OR5B12: variants seen among roughly 807,000 people sequenced by gnomAD.
OR5B12 encodes the protein olfactory receptor 5B12.
For synonymous variants in OR5B12, 154 were observed against 138.0 expected, an observed-to-expected ratio of 1.12 and a Z score of -0.81; for missense variants, 418 against 377.0, an observed-to-expected ratio of 1.11 and a Z score of -0.90.
In OR5B12 at chr11:58,439,889, T is replaced by A; in HGVS notation, c.263A>T (p.Lys88Ile). ...GGCACAAGCATTATATAATATGAAT[T>A]TGTCTCCTGTGAGAAACCCCACCAT... ...KVMVGFLTGD[K>I]FILYNACATQ... The change falls in exon 2 of 2, where the codon AAA (lysine) becomes ATA (isoleucine). Residue 88 changes from lysine (K) to isoleucine (I), a missense_variant. Transcript: ENST00000641921. 4.3e-6 allele frequency: 7 copies of A among 1,614,082 alleles called. No homozygotes were observed. The highest frequency in any genetic ancestry group is 5.1e-6 in the Non-Finnish European group (6 of 1,180,014).
At chr11:58,441,006 A>T (rs1855494042) in intron 1 of OR5B12, among the ~76,000 whole-genome samples, 1 of 152,202 alleles carries the variant, frequency 6.6e-6, no homozygotes, top group Non-Finnish European at 1.5e-5. Flanking sequence ...AGTTCAGAAT[A>T]TTCTTATTCT....
In OR5B12 at chr11:58,439,296, G is replaced by A. The variant is rs764734773; in HGVS notation, c.856C>T (p.Leu286=). The A allele has an allele frequency of 2.6e-5, 42 of 1,613,854 alleles. No homozygotes were observed. In the Admixed American group the frequency reaches 4.5e-4, roughly 17 times the overall value. The change falls in exon 2 of 2, where the codon CTG becomes TTG. Residue 286 remains leucine, a synonymous_variant. Coordinates refer to ENST00000641921, the MANE Select transcript of OR5B12 (RefSeq NM_001004733.3). The stretch of plus-strand genomic sequence containing the variant: ...TCTTTGTTCCTCAGGCTGTAGACCA[G>A]TGGATTCAACATGGGAATGACTATG... ...YAIVIPMLNP[L]VYSLRNKEVK... is the part of the protein sequence containing the mutation.
At position 58,439,175 on chromosome 11, in the gene OR5B12, G is replaced by GA; in HGVS notation, c.*31dup. 2 of 1,285,752 alleles carry GA rather than the reference G, an allele frequency of 1.6e-6. No homozygotes were observed. The highest frequency in any genetic ancestry group is 1.1e-6 in the Non-Finnish European group (1 of 930,298). The allele number at this position is 1,285,752 out of a possible 1,614,324, so 79.6% of individuals were successfully genotyped here. On this transcript the variant is annotated 3_prime_UTR_variant, in exon 2 of 2. Transcript: ENST00000641921. ...GGTAGACAAAGATTAATATGAGGTG[G>GA]AAAAAATTATCTTATTGTGAATTCT...
chr11:58,440,781 AT>A lies in OR5B12; in HGVS notation c.-19-612del, dbSNP rs1231639327. On this transcript the variant is annotated intron_variant, in intron 1 of 1. Coordinates refer to ENST00000641921, the MANE Select transcript of OR5B12 (RefSeq NM_001004733.3). The stretch of plus-strand genomic sequence containing the variant: ...ATAACTACTTCCAACCCTTAAAAAA[AT>A]CTTCAAAAAGTTAAAAAGGAACATG... Among the ~76,000 whole-genome samples, 6 of 152,204 alleles carry A rather than the reference AT, an allele frequency of 3.9e-5. No individual in the cohort carries two copies. In the South Asian group the frequency reaches 8.3e-4, roughly 21 times the overall value.
chr11:58,440,781 ATCTTCAAAAAG>A (rs1029560649), intron 1 of OR5B12, among the ~76,000 whole-genome samples: 13 of 152,204 alleles, frequency 8.5e-5, no homozygotes, highest in Non-Finnish European at 1.3e-4. Context: ...CCTTAAAAAA[ATCTTCAAAAAG>A]TTAAAAAGGA....
At position 58,439,755 on chromosome 11, in the gene OR5B12, T is replaced by C. The variant is rs751188290; in HGVS notation, c.397A>G (p.Thr133Ala). 20 of 1,614,036 alleles carry C rather than the reference T, an allele frequency of 1.2e-5. No homozygotes were observed. The East Asian group carries it at 4.2e-4, about 34-fold the overall frequency. Residue 133 changes from threonine to alanine, a missense_variant, in exon 2 of 2, where the codon ACC becomes GCC. Thr to Ala is a moderately conservative substitution (Grantham distance 58, BLOSUM62 0). Transcript: ENST00000641921. ...CAAGCACATACATTTGTTGTCATGG[T>C]GGTGGTGTAATGCAGGGGTTTACAC... The part of the protein sequence containing the change: ...ALCKPLHYTT[T>A]MTTNVCACLA...
At position 58,439,699 on chromosome 11, in the gene OR5B12, G is replaced by A. The variant is rs1201627555; in HGVS notation, c.453C>T (p.Phe151=). 4 of 1,614,076 alleles carry A rather than the reference G, an allele frequency of 2.5e-6. No homozygotes were observed. Among genetic ancestry groups the A allele is most frequent in the Non-Finnish European group, 3.4e-6 (4 of 1,179,964 alleles). ...TCCCAGTATGAATGGATGCATTCAGGAAACCACAGATGTAGGAGCCTATGG... is the reference window on the plus strand; with the variant it reads ...TCCCAGTATGAATGGATGCATTCAGAAAACCACAGATGTAGGAGCCTATGG... The part of the protein sequence containing the change: ...CLAIGSYICG[F]LNASIHTGNT... The change falls in exon 2 of 2, where the codon TTC becomes TTT. Residue 151 remains phenylalanine, a synonymous_variant. Coordinates refer to ENST00000641921, the MANE Select transcript of OR5B12 (RefSeq NM_001004733.3).
intron 1 of OR5B12, among the ~76,000 whole-genome samples, chr11:58,441,774 G>T (rs933514896): frequency 6.6e-6 from 1 of 151,866 alleles, no homozygotes; most frequent in Non-Finnish European, 1.5e-5. Context: ...TTTAAATTTG[G>T]GTTTCATCCC....
rs1590716995 is a variant in OR5B12 at position 58,439,428 on chromosome 11, G to A, written c.724C>T (p.His242Tyr). 1 of 1,614,036 alleles carries A rather than the reference G, an allele frequency of 6.2e-7. No homozygotes were observed. Among genetic ancestry groups the A allele is most frequent in the Non-Finnish European group, 8.5e-7 (1 of 1,180,000 alleles). The change falls in exon 2 of 2, where the codon CAC becomes TAC. Residue 242 changes from histidine (H) to tyrosine (Y), a missense_variant. His to Tyr is a moderately conservative substitution (Grantham distance 83, BLOSUM62 2). Coordinates refer to ENST00000641921, the MANE Select transcript of OR5B12 (RefSeq NM_001004733.3). The part of the protein sequence containing the change: ...RQKAFSTCAS[H>Y]LTAVSIFYGT... ...TAAAAGATGGAAACTGCAGTAAGGT[G>A]GGAAGCACAAGTAGAAAAGGCCTTC...
Position 58,440,663 on chromosome 11 carries a change from A to G in OR5B12, c.-19-493T>C, listed in dbSNP as rs1411281334. On this transcript the variant is annotated intron_variant, in intron 1 of 1. Coordinates refer to ENST00000641921, the MANE Select transcript of OR5B12 (RefSeq NM_001004733.3). ...AGAATGGAATAGCATGAAATTAGGA[A>G]TCAAATATACTTACCAGTTTTCTTG... Among the ~76,000 whole-genome samples the G allele has an allele frequency of 3.9e-5, 6 of 152,250 alleles. No individual in the cohort carries two copies. In the East Asian group the frequency reaches 5.8e-4, roughly 15 times the overall value.
chr11:58,441,304 C>G (rs1855496861), intron 1 of OR5B12, among the ~76,000 whole-genome samples: 1 of 152,060 alleles, frequency 6.6e-6, no homozygotes, highest in South Asian at 2.1e-4. Context: ...CCTTCTGTCT[C>G]TCTTTTTAAA....
In OR5B12 at chr11:58,440,286, C is replaced by G. The variant is rs532161365; in HGVS notation, c.-19-116G>C. On this transcript the variant is annotated intron_variant, in intron 1 of 1. Coordinates refer to ENST00000641921, the MANE Select transcript of OR5B12 (RefSeq NM_001004733.3). ...ATTGTAATTACTTGTTTCCAGGAGT[C>G]CCGGATCTAAAACATGCCCATGACC... 38 of 585,374 alleles carry G rather than the reference C, an allele frequency of 6.5e-5. 2 individuals carry two copies. In the South Asian group the frequency reaches 1.1e-3, roughly 17 times the overall value. The allele number at this position is 585,374 out of a possible 1,614,324, so 36.3% of individuals were successfully genotyped here.
chr11:58,440,059 G>A lies in OR5B12; in HGVS notation c.93C>T (p.Phe31=). 1.9e-6 allele frequency: 3 copies of A among 1,614,122 alleles called. No individual in the cohort carries two copies. Among genetic ancestry groups the A allele is most frequent in the Non-Finnish European group, 2.5e-6 (3 of 1,180,010 alleles). The change falls in exon 2 of 2, where the codon TTC becomes TTT. Residue 31 remains phenylalanine, a synonymous_variant. Transcript: ENST00000641921. ...LQIPLFIVFL[F]IYLITLVGNL... The stretch of plus-strand genomic sequence containing the variant: ...TCCCAACCAGAGTGATGAGGTAGAT[G>A]AAAAGGAAGACTATGAAGAGTGGGA...
intron 1 of OR5B12, among the ~76,000 whole-genome samples, chr11:58,441,334 C>G (rs1041904404): frequency 6.6e-6 from 1 of 152,036 alleles, no homozygotes; most frequent in Non-Finnish European, 1.5e-5. Context: ...GTATGGGCTT[C>G]CAGATTATGG....
In OR5B12 at chr11:58,439,522, C is replaced by G. The variant is rs1855472995; in HGVS notation, c.630G>C (p.Leu210=). 1 of 1,613,740 alleles carries G rather than the reference C, an allele frequency of 6.2e-7. No individual in the cohort carries two copies. Among genetic ancestry groups the G allele is most frequent in the South Asian group, 1.1e-5 (1 of 91,038 alleles). The change falls in exon 2 of 2, where the codon CTG becomes CTC. Residue 210 remains leucine, a synonymous_variant. Coordinates refer to ENST00000641921, the MANE Select transcript of OR5B12 (RefSeq NM_001004733.3). ...TAAATAAGTAGGAGATCAAGATTAC[C>G]AGGATAGAAAAGAGGTCATTGAATC... is the stretch of plus-strand genomic sequence containing the variant. ...VVGFNDLFSI[L]VILISYLFIF...
chr11:58,439,989 T>C lies in OR5B12; in HGVS notation c.163A>G (p.Thr55Ala). 1 of 1,613,754 alleles carries C rather than the reference T, an allele frequency of 6.2e-7. No individual in the cohort carries two copies. The highest frequency in any genetic ancestry group is 8.5e-7 in the Non-Finnish European group (1 of 1,179,948). ...TTACTGAGGAAGAAGTACATGGGGGTGTGGAGACAGGAGTCCAGTAGAATC... is the reference window on the plus strand; with the variant it reads ...TTACTGAGGAAGAAGTACATGGGGGCGTGGAGACAGGAGTCCAGTAGAATC... ...ELILLDSCLHTPMYFFLSNLS... is the reference protein window; with the variant it reads ...ELILLDSCLHAPMYFFLSNLS... The change falls in exon 2 of 2, where the codon ACC becomes GCC. Residue 55 changes from threonine (T) to alanine (A), a missense_variant. Transcript: ENST00000641921.
At chr11:58,440,253 A>T in intron 1 of OR5B12, 83 bp from the exon 2 acceptor site, 1 of 819,704 alleles carries the variant, frequency 1.2e-6, no homozygotes, top group Non-Finnish European at 1.9e-6. Flanking sequence ...TTTTTGCTTT[A>T]TTCCAGTATT....
Position 58,439,771 on chromosome 11 carries a change from G to A in OR5B12, c.381C>T (p.Pro127=). The change falls in exon 2 of 2, where the codon CCC becomes CCT. Residue 127 remains proline (P), a synonymous_variant. Coordinates refer to ENST00000641921, the MANE Select transcript of OR5B12 (RefSeq NM_001004733.3). ...AYDRYAALCK[P]LHYTTTMTTN... is the part of the protein sequence containing the mutation. ...TTGTCATGGTGGTGGTGTAATGCAG[G>A]GGTTTACACAATGCTGCATAGCGGT... 6.2e-7 allele frequency: 1 copy of A among 1,613,244 alleles called. No homozygotes were observed. Among genetic ancestry groups the A allele is most frequent in the Non-Finnish European group, 8.5e-7 (1 of 1,179,140 alleles).
At chr11:58,440,856 T>C (rs1171794007) in intron 1 of OR5B12, among the ~76,000 whole-genome samples, 2 of 152,220 alleles carry the variant, frequency 1.3e-5, no homozygotes, top group Non-Finnish European at 2.9e-5. Flanking sequence ...AATCTCTGGA[T>C]GTGTTCATTT....
Sources: allele counts gnomAD v4.1 joint callset (sites outside exome capture counted in the v4.1 genomes callset), GRCh38; gene constraint gnomAD v4.1.1; transcripts MANE v1.5; gene names NCBI Gene and HGNC (gene_info 2026-07-23, HGNC 2026-07-21).